Variants in RCN1 observed in about 807,000 individuals in gnomAD.
RCN1 encodes the protein reticulocalbin-1.
A neutral mutation model predicts 34.7 loss-of-function variants in RCN1; 14 were observed. The observed-to-expected ratio is 0.40, with a 90% CI of 0.27 to 0.63. RCN1 has a LOEUF of 0.63. Among genes scored for constraint, RCN1 ranks in the 30% least tolerant of loss-of-function variants. RCN1 has a pLI of 0.37. For missense variants in RCN1, 326 were observed against 425.1 expected (o/e 0.77, Z 2.05); for synonymous variants, 125 against 165.5 (o/e 0.76, Z 1.88).
Position 32,103,399 on chromosome 11 carries a change from T to A in RCN1, c.807T>A (p.Ile269=), listed in dbSNP as rs542678476. Residue 269 remains isoleucine (I), a synonymous_variant, in exon 5 of 6, where the codon ATT becomes ATA. Transcript: ENST00000054950. ...NKDGKLDKDE[I]RHWILPQDYD... is the part of the protein sequence containing the mutation. ...ACGGGAAGTTAGACAAAGATGAGAT[T>A]CGCCACTGGATCCTCCCTCAAGATT... 4 of 1,613,746 alleles carry A rather than the reference T, an allele frequency of 2.5e-6. No individual in the cohort carries two copies. In the South Asian group the frequency reaches 3.3e-5, roughly 13 times the overall value.
chr11:32,103,548 T>C, intron 5 of RCN1, 68 bp downstream of exon 5: 1 of 1,412,172 alleles, frequency 7.1e-7, no homozygotes, highest in Admixed American at 1.7e-5. Flanking sequence ...TTTTGTTTGC[T>C]TTTTCGGCGA....
chr11:32,094,705 T>C (rs1165173663), intron 1 of RCN1, among the ~76,000 whole-genome samples: 1 of 152,156 alleles, frequency 6.6e-6, no homozygotes, highest in Admixed American at 6.5e-5. Context: ...GCATGCATTC[T>C]CTCCTTTATT....
At chr11:32,099,925 A>G (rs1442532472) in intron 3 of RCN1, among the ~76,000 whole-genome samples, 1 of 152,158 alleles carries the variant, frequency 6.6e-6, no homozygotes, top group African/African-American at 2.4e-5. Flanking sequence ...AGCCTTTGGG[A>G]GTGGCTCTCT....
chr11:32,091,669 T>G, intron 1 of RCN1: 1 of 563,950 alleles, frequency 1.8e-6, no homozygotes. Context: ...CCGGCCGGGG[T>G]GGTTTCTCGC....
At chr11:32,098,159 CT>C (rs1361610560) in intron 2 of RCN1, among the ~76,000 whole-genome samples, 190 bp from the exon 3 acceptor site, 2 of 152,142 alleles carry the variant, frequency 1.3e-5, no homozygotes, top group Non-Finnish European at 2.9e-5. Context: ...GCCATGAGGC[CT>C]AGATTATGGG....
At chr11:32,091,849 C>T (rs1851925494) in intron 1 of RCN1, 2 of 222,122 alleles carry the variant, frequency 9.0e-6, no homozygotes, top group South Asian at 1.6e-4. Context: ...CTCTCTGATC[C>T]CCCACTCCCG....
intron 4 of RCN1, among the ~76,000 whole-genome samples, chr11:32,101,625 G>A (rs1219939928): frequency 6.6e-6 from 1 of 152,142 alleles, no homozygotes; most frequent in Non-Finnish European, 1.5e-5. Context: ...GTTTGATCAT[G>A]AGCCAAACAC....
rs777875106 is a variant in RCN1, at chr11:32,100,566, G to C, written c.646G>C (p.Asp216His). 1 of 1,614,010 alleles carries C rather than the reference G, an allele frequency of 6.2e-7. No homozygotes were observed. Among genetic ancestry groups the C allele is most frequent in the Admixed American group, 1.7e-5 (1 of 60,026 alleles). Residue 216 changes from aspartate (D) to histidine (H), a missense_variant, in exon 4 of 6, where the codon GAC (aspartate) becomes CAC (histidine). By Grantham distance (81) the Asp-to-His change is moderately conservative (BLOSUM62 -1). Transcript: ENST00000054950. ...IVVLETLEDIDKNGDGFVDQD... is the reference protein window; with the variant it reads ...IVVLETLEDIHKNGDGFVDQD... ...TTCCTAGGAAACCCTGGAGGACATC[G>C]ACAAGAACGGGGATGGGTTTGTGGA...
chr11:32,101,433 A>G (rs1852040154), intron 4 of RCN1, among the ~76,000 whole-genome samples: 1 of 152,242 alleles, frequency 6.6e-6, no homozygotes, highest in African/African-American at 2.4e-5. Context: ...GAAAAGAGAA[A>G]TGAAATATGT....
Position 32,097,063 on chromosome 11 carries a change from G to T in RCN1, c.255-81G>T, listed in dbSNP as rs1590218285. On this transcript the variant is annotated intron_variant, in intron 1 of 5. Transcript: ENST00000054950. Reference sequence around the variant, plus strand: ...TGTGCAGGTGTTTGATCTTTTGCTGGACCAGCATCACACAAGCCTTGATAA... The same window carrying T: ...TGTGCAGGTGTTTGATCTTTTGCTGTACCAGCATCACACAAGCCTTGATAA... The T allele has an allele frequency of 4.3e-6, 5 of 1,173,414 alleles. No individual in the cohort carries two copies. The East Asian group carries it at 1.1e-4, about 26-fold the overall frequency. The allele number at this position is 1,173,414 out of a possible 1,614,324, so 72.7% of individuals were successfully genotyped here. A position where few individuals can be genotyped will look rare whatever the true frequency, so the allele number is the denominator to read the frequency against.
intron 1 of RCN1, among the ~76,000 whole-genome samples, chr11:32,091,992 C>T (rs1247909301): frequency 6.6e-6 from 1 of 152,144 alleles, no homozygotes; most frequent in Non-Finnish European, 1.5e-5. Context: ...TGCCTAATCG[C>T]CCTGTAAATC....
chr11:32,096,669 A>G (rs1294942521), intron 1 of RCN1: 1 of 153,302 alleles, frequency 6.5e-6, no homozygotes, highest in Non-Finnish European at 1.5e-5. Context: ...GACCTAAGCC[A>G]GAAGACATGA....
At chr11:32,100,526 T>C (rs767016850) in intron 3 of RCN1, 22 bp from the exon 4 acceptor site, 3 of 1,607,688 alleles carry the variant, frequency 1.9e-6, no homozygotes, top group South Asian at 1.1e-5. Context: ...TCTTGCATTC[T>C]GTTTTACCTT....
Position 32,103,286 on chromosome 11 carries a change from A to G in RCN1, c.694A>G (p.Met232Val). ...ACAATAACCTTCCCTTCTAGCGGAT[A>G]TGTTTTCCCATGAGGAGAATGGCCC... ...FVDQDEYIADMFSHEENGPEP... is the reference protein window; with the variant it reads ...FVDQDEYIADVFSHEENGPEP... The change falls in exon 5 of 6, where the codon ATG becomes GTG. Residue 232 changes from methionine (M) to valine (V), a missense_variant. Physicochemically the swap from Met to Val is conservative, Grantham distance 21 (BLOSUM62 1). Transcript: ENST00000054950. The G allele has an allele frequency of 1.2e-6, 2 of 1,613,862 alleles. No individual in the cohort carries two copies. Among genetic ancestry groups the G allele is most frequent in the East Asian group, 2.2e-5 (1 of 44,880 alleles).
At chr11:32,097,935 AAGG>A (rs1267620255) in intron 2 of RCN1, among the ~76,000 whole-genome samples, 2 of 152,214 alleles carry the variant, frequency 1.3e-5, no homozygotes, top group Non-Finnish European at 2.9e-5. Flanking sequence ...AAACAGGCCC[AAGG>A]AGAACCAAAG....
At chr11:32,099,329 AAAAAAG>A (rs953229735) in intron 3 of RCN1, among the ~76,000 whole-genome samples, 7 of 152,200 alleles carry the variant, frequency 4.6e-5, no homozygotes, top group Non-Finnish European at 1.0e-4. Flanking sequence ...TCAAAAAAAA[AAAAAAG>A]AAAGAGCAAA....
intron 4 of RCN1, chr11:32,102,991 C>T: frequency 1.9e-6 from 1 of 528,796 alleles, no homozygotes; most frequent in Non-Finnish European, 3.6e-6. Flanking sequence ...AAATTATCAT[C>T]TCCATTTTAC....
intron 3 of RCN1, 23 bp from the exon 4 acceptor site, chr11:32,100,523 TTC>T (rs761393490): frequency 4.7e-5 from 76 of 1,604,710 alleles, no homozygotes; most frequent in Non-Finnish European, 6.2e-5. Flanking sequence ...CCATCTTGCA[TTC>T]TGTTTTACCT....
At position 32,098,370 on chromosome 11, in the gene RCN1, G is replaced by A. The variant is rs1281961588; in HGVS notation, c.469G>A (p.Asp157Asn). 6.2e-7 allele frequency: 1 copy of A among 1,611,968 alleles called. No homozygotes were observed. The highest frequency in any genetic ancestry group is 2.2e-5 in the East Asian group (1 of 44,858). Residue 157 changes from aspartate (D) to asparagine (N), a missense_variant, in exon 3 of 6, where the codon GAT (aspartate) becomes AAT (asparagine). Transcript: ENST00000054950. ...YYLGNPAEFH[D>N]SSDHHTFKKM... The stretch of plus-strand genomic sequence containing the variant: ...TGCAGGAAACCCCGCAGAGTTTCAT[G>A]ATTCTTCAGATCATCACACCTTTAA...
Sources: gnomAD v4.1 joint callset for allele counts (sites outside exome capture counted in the v4.1 genomes callset) on GRCh38, gnomAD v4.1.1 for gene constraint, MANE v1.5 for transcripts, NCBI Gene and HGNC (gene_info 2026-07-23, HGNC 2026-07-21) for gene names.